Variants in KSR2 observed in about 807,000 individuals in gnomAD.
KSR2 encodes kinase suppressor of ras 2.
KSR2 carries 25 observed loss-of-function variants against 107.8 expected under a neutral mutation model. The ratio of observed to expected loss-of-function variants is 0.23; its 90% confidence interval spans 0.17 to 0.32. KSR2 has a LOEUF of 0.32. KSR2 is among the 10% of genes least tolerant of loss of function. The pLI is 1.00. For missense variants in KSR2, 887 were observed against 1,268.9 expected (o/e 0.70, Z 4.57); for synonymous variants, 480 against 507.0 (o/e 0.95, Z 0.71).
Position 117,527,304 on chromosome 12 carries a change from C to CACACACACACACACACACACAG in KSR2, c.1803-207_1803-186dup, listed in dbSNP as rs1268808235. Among the ~76,000 whole-genome samples, 30 of 124,446 alleles carry CACACACACACACACACACACAG rather than the reference C, an allele frequency of 2.4e-4. 1 individual carries two copies. Among genetic ancestry groups the CACACACACACACACACACACAG allele is most frequent in the Admixed American group, 2.2e-3 (30 of 13,354 alleles). 81.6% of individuals were successfully genotyped at this position (124,446 alleles called of 152,430 possible). A position where few individuals can be genotyped will look rare whatever the true frequency, so the allele number is the denominator to read the frequency against. ...CGACACACACACACACACACACAGA[C>CACACACACACACACACACACAG]ACACACACACACACACACACAGACA... On this transcript the variant is annotated intron_variant, in intron 12 of 19. Transcript: ENST00000339824.
intron 1 of KSR2, among the ~76,000 whole-genome samples, chr12:117,878,237 T>C (rs1172576940): frequency 6.8e-6 from 1 of 147,874 alleles, no homozygotes; most frequent in Non-Finnish European, 1.5e-5. Context: ...GAAAAGTAAA[T>C]CAATAATAAC....
At position 117,749,811 on chromosome 12, in the gene KSR2, G is replaced by A. The variant is rs551773372; in HGVS notation, c.986+11200C>T. Among the ~76,000 whole-genome samples, 4 of 152,244 alleles carry A rather than the reference G, an allele frequency of 2.6e-5. No individual in the cohort carries two copies. The East Asian group carries it at 5.8e-4, about 22-fold the overall frequency. On this transcript the variant is annotated intron_variant, in intron 4 of 19. Coordinates refer to ENST00000339824, the MANE Select transcript of KSR2 (RefSeq NM_173598.6). ...AGGCCTGAAAGATTCAGCAGCTAGG[G>A]GATTGTGGCATGGTCTTAATGGAGG...
chr12:117,595,849 C>T lies in KSR2; in HGVS notation c.1172-13490G>A, dbSNP rs77959509. ...GCCTGATTTTCCACTGGGAAACTAC[C>T]GTTCCAATGTCCCACAGCAGGCTGA... On this transcript the variant is annotated intron_variant, in intron 5 of 19. Coordinates refer to ENST00000339824, the MANE Select transcript of KSR2 (RefSeq NM_173598.6). 3.3e-4 allele frequency among the ~76,000 whole-genome samples: 51 copies of T among 152,272 alleles called. No individual in the cohort carries two copies. In the East Asian group the frequency reaches 8.9e-3, roughly 27 times the overall value.
At chr12:117,599,650 G>A (rs1298704442) in intron 5 of KSR2, among the ~76,000 whole-genome samples, 2 of 151,444 alleles carry the variant, frequency 1.3e-5, no homozygotes, top group Admixed American at 6.6e-5. Context: ...TCCTCCCTAA[G>A]CTGTGACCAA....
At chr12:117,678,102 ATTT>A (rs35096843) in intron 4 of KSR2, among the ~76,000 whole-genome samples, 4,191 of 127,530 alleles carry the variant, frequency 0.033, 173 homozygotes, top group African/African-American at 0.11. Context: ...AGCCCAGCTA[ATTT>A]TTTTTTTTTT....
intron 10 of KSR2, among the ~76,000 whole-genome samples, chr12:117,535,563 T>A (rs929910436): frequency 6.6e-6 from 1 of 151,758 alleles, no homozygotes; most frequent in Non-Finnish European, 1.5e-5. Flanking sequence ...CCACCTCCTT[T>A]CTTCTCCCTT....
intron 14 of KSR2, among the ~76,000 whole-genome samples, chr12:117,520,160 ACATTTG>A (rs1381138668): frequency 1.3e-5 from 2 of 152,208 alleles, no homozygotes; most frequent in African/African-American, 4.8e-5. Context: ...ATTTAGATAT[ACATTTG>A]CTTAGTCCCA....
chr12:117,816,667 T>C (rs895661950), intron 3 of KSR2, among the ~76,000 whole-genome samples: 1 of 152,168 alleles, frequency 6.6e-6, no homozygotes, highest in African/African-American at 2.4e-5. Context: ...GTGTCATCCT[T>C]AAGGGCATGG....
At chr12:117,471,747 G>T (rs1250245066) in intron 17 of KSR2, among the ~76,000 whole-genome samples, 2 of 151,956 alleles carry the variant, frequency 1.3e-5, no homozygotes, top group Non-Finnish European at 2.9e-5. Context: ...AAAATAAAAT[G>T]AAATGCTGTA....
At chr12:117,556,468 G>C (rs1175143862) in intron 8 of KSR2, among the ~76,000 whole-genome samples, 1 of 152,164 alleles carries the variant, frequency 6.6e-6, no homozygotes, top group Non-Finnish European at 1.5e-5. Flanking sequence ...TAAGGATGTG[G>C]GGTGGGAAGG....
intron 5 of KSR2, among the ~76,000 whole-genome samples, chr12:117,597,900 G>A (rs1000612896): frequency 2.0e-5 from 3 of 152,188 alleles, no homozygotes; most frequent in African/African-American, 4.8e-5. Flanking sequence ...AGCAACCTGA[G>A]GGTTCAGGAC....
Position 117,617,128 on chromosome 12 carries a change from T to A in KSR2, c.1172-34769A>T, listed in dbSNP as rs1023888065. On this transcript the variant is annotated intron_variant, in intron 5 of 19. Coordinates refer to ENST00000339824, the MANE Select transcript of KSR2 (RefSeq NM_173598.6). ...TTTTGGAAAATTCTTGATCACTATCTCTTCAAATTTTGCTTCTCTTCCTTC... is the reference window on the plus strand; with the variant it reads ...TTTTGGAAAATTCTTGATCACTATCACTTCAAATTTTGCTTCTCTTCCTTC... Among the ~76,000 whole-genome samples, 5 of 152,218 alleles carry A rather than the reference T, an allele frequency of 3.3e-5. No homozygotes were observed. The East Asian group carries it at 9.6e-4, about 29-fold the overall frequency.
intron 4 of KSR2, among the ~76,000 whole-genome samples, chr12:117,686,396 T>C (rs80306371): frequency 0.054 from 8,131 of 151,866 alleles, 294 homozygotes; most frequent in East Asian, 0.14. Context: ...GGATCTGTCA[T>C]TTGCAGATGA....
intron 4 of KSR2, among the ~76,000 whole-genome samples, chr12:117,712,357 G>A (rs1045396812): frequency 2.6e-5 from 4 of 152,192 alleles, no homozygotes; most frequent in African/African-American, 9.7e-5. Context: ...GGAAGCAGAT[G>A]GGGAAATGGG....
At chr12:117,932,118 C>A (rs889165865) in intron 1 of KSR2, among the ~76,000 whole-genome samples, 2 of 151,950 alleles carry the variant, frequency 1.3e-5, no homozygotes, top group East Asian at 3.9e-4. Context: ...AAAACCCCAT[C>A]TCTACTAAAA....
intron 4 of KSR2, among the ~76,000 whole-genome samples, chr12:117,691,893 G>T (rs571226392): frequency 6.6e-6 from 1 of 152,310 alleles, no homozygotes; most frequent in East Asian, 1.9e-4. Flanking sequence ...GACTATATAG[G>T]TGATAGAGGA....
chr12:117,823,130 A>ACGG (rs35002501), intron 3 of KSR2, among the ~76,000 whole-genome samples: 3 of 150,314 alleles, frequency 2.0e-5, no homozygotes, highest in African/African-American at 4.9e-5. Context: ...AAAAAAAAAA[A>ACGG]GTGTGGCTGG....
chr12:117,742,356 T>A (rs1217886372), intron 4 of KSR2, among the ~76,000 whole-genome samples: 2 of 152,216 alleles, frequency 1.3e-5, no homozygotes, highest in East Asian at 3.8e-4. Flanking sequence ...TTCATCAATG[T>A]GAATGTTCTG....
chr12:117,642,095 C>A (rs552662329), intron 5 of KSR2, among the ~76,000 whole-genome samples: 6 of 152,342 alleles, frequency 3.9e-5, no homozygotes, highest in African/African-American at 1.4e-4. Context: ...GTGGAAGCCT[C>A]CCCTGATCCC....
Sources: allele counts gnomAD v4.1 joint callset (sites outside exome capture counted in the v4.1 genomes callset), GRCh38; gene constraint gnomAD v4.1.1; transcripts MANE v1.5; gene names NCBI Gene and HGNC (gene_info 2026-07-23, HGNC 2026-07-21).